The following FMN1 variants were observed in gnomAD, a reference collection of about 807,000 sequenced individuals.
The protein encoded by FMN1 is formin-1.
In FMN1, 110 loss-of-function variants were observed where a neutral mutation model predicts 132.4. That is an observed-to-expected ratio of 0.83 (90% CI 0.71 to 0.97). The LOEUF (loss-of-function observed/expected upper bound fraction) is 0.97. Ranked by LOEUF, FMN1 falls within the 50% of genes least tolerant of loss-of-function variation. The pLI, the probability that FMN1 is intolerant of heterozygous loss-of-function variation, is 0.00. For synonymous variants in FMN1, 722 were observed against 651.7 expected (o/e 1.11, Z -1.64); for missense variants, 1,792 against 1,705.3 (o/e 1.05, Z -0.90).
At chr15:33,021,466 G>T (rs887674027) in intron 6 of FMN1, among the ~76,000 whole-genome samples, 3 of 152,074 alleles carry the variant, frequency 2.0e-5, no homozygotes, top group Non-Finnish European at 4.4e-5. Flanking sequence ...CACACACAGA[G>T]AAAAAGGTTT....
At chr15:33,150,528 G>A in intron 4 of FMN1, 2 of 985,422 alleles carry the variant, frequency 2.0e-6, no homozygotes, top group African/African-American at 1.7e-5. Context: ...CCCAACAGAA[G>A]GTGCATCGCT....
intron 6 of FMN1, among the ~76,000 whole-genome samples, chr15:33,057,738 C>G (rs1464370458): frequency 1.3e-5 from 2 of 152,184 alleles, no homozygotes; most frequent in African/African-American, 4.8e-5. Flanking sequence ...ACCCCTTCAT[C>G]AAGTGCTTCC....
intron 4 of FMN1, among the ~76,000 whole-genome samples, chr15:33,103,933 C>T (rs2039387188): frequency 6.6e-6 from 1 of 151,954 alleles, no homozygotes; most frequent in Admixed American, 6.6e-5. Context: ...GGGCATAATC[C>T]TACCAGAAAA....
At chr15:32,962,531 A>T (rs1228026947) in intron 9 of FMN1, among the ~76,000 whole-genome samples, 6 of 151,070 alleles carry the variant, frequency 4.0e-5, no homozygotes, top group Non-Finnish European at 8.8e-5. Context: ...ACAGCAAAAC[A>T]AACTACCATT....
intron 15 of FMN1, among the ~76,000 whole-genome samples, chr15:32,891,823 A>C (rs1319974321): frequency 6.6e-6 from 1 of 152,088 alleles, no homozygotes; most frequent in African/African-American, 2.4e-5. Context: ...CAGCTATTGT[A>C]AAAGAGGTTG....
At chr15:32,900,748 T>A (rs1270045726) in intron 13 of FMN1, among the ~76,000 whole-genome samples, 5 of 152,252 alleles carry the variant, frequency 3.3e-5, no homozygotes, top group Non-Finnish European at 7.3e-5. Flanking sequence ...TTTGTCTCCC[T>A]GTCTCATTTG....
intron 3 of FMN1, among the ~76,000 whole-genome samples, chr15:33,176,646 A>G (rs1965525953): frequency 6.6e-6 from 1 of 152,052 alleles, no homozygotes; most frequent in Admixed American, 6.6e-5. Flanking sequence ...TCTCACTTGT[A>G]ATACTTTCTC....
At chr15:33,127,125 T>C (rs1963160899) in intron 4 of FMN1, among the ~76,000 whole-genome samples, 1 of 152,150 alleles carries the variant, frequency 6.6e-6, no homozygotes, top group Admixed American at 6.6e-5. Context: ...TAGCATCCTG[T>C]TAACAAGCAG....
In FMN1 at chr15:33,066,303, T is replaced by C. The variant is rs1463099166; in HGVS notation, c.2044-1229A>G. 2.0e-5 allele frequency among the ~76,000 whole-genome samples: 3 copies of C among 152,218 alleles called. No individual in the cohort carries two copies. The South Asian group carries it at 6.2e-4, about 32-fold the overall frequency. The stretch of plus-strand genomic sequence containing the variant: ...CTGCACATCTTTGTGTATATCCCTC[T>C]TGCAATATTCCAGATAAAAATCAGG... On this transcript the variant is annotated intron_variant, in intron 5 of 20. Coordinates refer to ENST00000616417, the MANE Select transcript of FMN1 (RefSeq NM_001277313.2).
At chr15:32,916,800 A>G (rs1245398358) in intron 10 of FMN1, among the ~76,000 whole-genome samples, 4 of 152,198 alleles carry the variant, frequency 2.6e-5, no homozygotes, top group Non-Finnish European at 4.4e-5. Flanking sequence ...TAACTCTGCA[A>G]CAGCCAAAAT....
At chr15:33,169,952 G>A (rs983919809) in intron 3 of FMN1, among the ~76,000 whole-genome samples, 1 of 151,914 alleles carries the variant, frequency 6.6e-6, no homozygotes, top group African/African-American at 2.4e-5. Context: ...TAAGAGGTCA[G>A]GATTACCAAG....
chr15:33,123,750 T>C (rs1403056764), intron 4 of FMN1, among the ~76,000 whole-genome samples: 1 of 152,222 alleles, frequency 6.6e-6, no homozygotes, highest in Non-Finnish European at 1.5e-5. Flanking sequence ...ATTTGGCCTT[T>C]TGGCTCCACT....
intron 9 of FMN1, among the ~76,000 whole-genome samples, chr15:32,944,664 T>C (rs1392421149): frequency 1.3e-5 from 2 of 151,872 alleles, no homozygotes; most frequent in Non-Finnish European, 2.9e-5. Flanking sequence ...TGGCACCCCA[T>C]CCCCATCCTG....
chr15:33,030,905 G>A (rs1412229307), intron 6 of FMN1, among the ~76,000 whole-genome samples: 1 of 152,052 alleles, frequency 6.6e-6, no homozygotes, highest in African/African-American at 2.4e-5. Flanking sequence ...CACGTGCCAT[G>A]GTGGTTTGCT....
chr15:33,010,371 T>C (rs976772091), intron 6 of FMN1, among the ~76,000 whole-genome samples: 2 of 152,164 alleles, frequency 1.3e-5, no homozygotes, highest in African/African-American at 4.8e-5. Context: ...GGGATAATGA[T>C]ATTAGATATT....
At chr15:33,007,350 T>C (rs1015772494) in intron 7 of FMN1, among the ~76,000 whole-genome samples, 8 of 152,148 alleles carry the variant, frequency 5.3e-5, no homozygotes, top group African/African-American at 1.9e-4. Context: ...AGTAAACAAG[T>C]CTCAGTGCCT....
intron 15 of FMN1, among the ~76,000 whole-genome samples, chr15:32,895,636 T>C (rs2060134993): frequency 6.6e-6 from 1 of 152,144 alleles, no homozygotes; most frequent in Admixed American, 6.5e-5. Context: ...TTTGATCAAT[T>C]TACAGTGCTA....
chr15:32,819,440 T>C (rs573660653), intron 17 of FMN1, among the ~76,000 whole-genome samples: 1 of 152,346 alleles, frequency 6.6e-6, no homozygotes, highest in South Asian at 2.1e-4. Flanking sequence ...GCTGTTTTTA[T>C]GGCTGGTCAC....
chr15:32,867,657 A>G (rs553485233), intron 16 of FMN1, among the ~76,000 whole-genome samples: 29 of 152,018 alleles, frequency 1.9e-4, no homozygotes, highest in Non-Finnish European at 2.8e-4. Context: ...TGCAAAGGCT[A>G]ATTTTTTGTA....
Sources: allele counts gnomAD v4.1 joint callset (sites outside exome capture counted in the v4.1 genomes callset), GRCh38; gene constraint gnomAD v4.1.1; transcripts MANE v1.5; gene names NCBI Gene and HGNC (gene_info 2026-07-23, HGNC 2026-07-21).